TNFSF4: variants seen among roughly 807,000 people sequenced by gnomAD.
TNFSF4 encodes the protein TNF superfamily member 4.
Under a neutral mutation model 7.3 loss-of-function variants are expected in TNFSF4, and 4 were observed. That is an observed-to-expected ratio of 0.55 (90% CI 0.27 to 1.25). The LOEUF is 1.25. Ranked by LOEUF, TNFSF4 falls within the 50% of genes most tolerant of loss-of-function variation. The pLI is 0.12. For synonymous variants in TNFSF4, 76 were observed against 83.7 expected, an observed-to-expected ratio of 0.91 and a Z score of 0.50; for missense variants, 181 against 208.8, an observed-to-expected ratio of 0.87 and a Z score of 0.82.
At chr1:173,193,739 C>A (rs1649579515) in intron 1 of TNFSF4, among the ~76,000 whole-genome samples, 1 of 140,654 alleles carries the variant, frequency 7.1e-6, no homozygotes, top group South Asian at 2.3e-4. Flanking sequence ...AGGCTTCCCT[C>A]TTGGGTTTCA....
At chr1:173,246,464 T>C in the TNFSF4 span, among the ~76,000 whole-genome samples, 2 of 152,144 alleles carry the variant, frequency 1.3e-5, no homozygotes, top group Non-Finnish European at 2.9e-5. Flanking sequence ...CACATATATT[T>C]ATTGCAGCTA....
chr1:173,408,530 G>T, the TNFSF4 span, among the ~76,000 whole-genome samples: 1 of 152,136 alleles, frequency 6.6e-6, no homozygotes, highest in East Asian at 1.9e-4. Flanking sequence ...TAATAGTATG[G>T]TTTCAGACAA....
chr1:173,442,287 G>A, the TNFSF4 span, among the ~76,000 whole-genome samples: 31 of 152,194 alleles, frequency 2.0e-4, no homozygotes, highest in African/African-American at 7.2e-4. Flanking sequence ...GGACCGCCAG[G>A]ATCAGACCTT....
chr1:173,223,450 C>T, the TNFSF4 span, among the ~76,000 whole-genome samples: 1 of 151,658 alleles, frequency 6.6e-6, no homozygotes, highest in African/African-American at 2.4e-5. Context: ...GTCCACCCGC[C>T]CCCCCAAAAA....
chr1:173,235,951 A>G, the TNFSF4 span, among the ~76,000 whole-genome samples: 1 of 152,058 alleles, frequency 6.6e-6, no homozygotes, highest in Non-Finnish European at 1.5e-5. Context: ...TTCCCTTCAA[A>G]TTATTTTTTA....
At position 173,184,329 on chromosome 1, in the gene TNFSF4, A is replaced by G. The variant is rs16845543; in HGVS notation, c.*2187T>C. The G allele has an allele frequency of 0.11, 16,122 of 152,280 alleles. 1,013 individuals are homozygous for G. The highest frequency in any genetic ancestry group is 0.16 in the Admixed American group (2,486 of 15,302). The allele number at this position is 152,280 out of a possible 1,614,324, so 9.4% of individuals were successfully genotyped here. A position where few individuals can be genotyped will look rare whatever the true frequency, so the allele number is the denominator to read the frequency against. ...GAAGGGTTAATTCTCCCTGTGAAGG[A>G]CATGACTTACAGGGACTGAGACACA... On this transcript the variant is annotated 3_prime_UTR_variant, in exon 3 of 3. Transcript: ENST00000281834.
At chr1:173,443,653 C>T in the TNFSF4 span, among the ~76,000 whole-genome samples, 3 of 152,308 alleles carry the variant, frequency 2.0e-5, no homozygotes, top group South Asian at 2.1e-4. Flanking sequence ...CTCTCTCCCC[C>T]GTAAAGTCAC....
chr1:173,191,947 C>A (rs1649501589), intron 1 of TNFSF4, among the ~76,000 whole-genome samples: 1 of 152,138 alleles, frequency 6.6e-6, no homozygotes, highest in Non-Finnish European at 1.5e-5. Context: ...GAGGCCGAGG[C>A]AGGCAGATCA....
In TNFSF4 at chr1:173,184,084, C is replaced by A. The variant is rs1649122436; in HGVS notation, c.*2432G>T. Reference sequence around the variant, plus strand: ...TGACTCATAGCAACAAGAACATAGACATTTAATATGTGCATTCACAGATAA... The same window carrying A: ...TGACTCATAGCAACAAGAACATAGAAATTTAATATGTGCATTCACAGATAA... On this transcript the variant is annotated 3_prime_UTR_variant, in exon 3 of 3. Coordinates refer to ENST00000281834, the MANE Select transcript of TNFSF4 (RefSeq NM_003326.5). 6.6e-6 allele frequency: 1 copy of A among 152,186 alleles called. No homozygotes were observed. The allele number at this position is 152,186 out of a possible 1,614,324, so 9.4% of individuals were successfully genotyped here. A position where few individuals can be genotyped will look rare whatever the true frequency, so the allele number is the denominator to read the frequency against.
chr1:173,304,588 T>C, the TNFSF4 span, among the ~76,000 whole-genome samples: 1 of 151,980 alleles, frequency 6.6e-6, no homozygotes, highest in Non-Finnish European at 1.5e-5. Context: ...TCTGACCCTT[T>C]CTTCTAAAAT....
chr1:173,233,822 T>C, the TNFSF4 span, among the ~76,000 whole-genome samples: 4 of 152,172 alleles, frequency 2.6e-5, no homozygotes, highest in African/African-American at 9.7e-5. Flanking sequence ...ACTTACATGT[T>C]AGACCTAAAA....
chr1:173,419,843 G>C, the TNFSF4 span, among the ~76,000 whole-genome samples: 1 of 152,066 alleles, frequency 6.6e-6, no homozygotes, highest in Non-Finnish European at 1.5e-5. Context: ...AGCTCCTAGA[G>C]CTGACTCTAC....
downstream of TNFSF4, among the ~76,000 whole-genome samples, chr1:173,183,216 A>G (rs1388695677): frequency 7.2e-6 from 1 of 139,764 alleles, no homozygotes; most frequent in East Asian, 1.9e-4. Flanking sequence ...GGTGATGAAG[A>G]CTAAGAAAGG....
At chr1:173,304,730 C>T in the TNFSF4 span, among the ~76,000 whole-genome samples, 1 of 151,942 alleles carries the variant, frequency 6.6e-6, no homozygotes, top group Non-Finnish European at 1.5e-5. Flanking sequence ...GCTTAAGTGC[C>T]CTCATGGCAT....
chr1:173,180,668 G>A (rs934864001), downstream of TNFSF4, among the ~76,000 whole-genome samples: 7 of 152,130 alleles, frequency 4.6e-5, no homozygotes, highest in African/African-American at 1.7e-4. Flanking sequence ...AAGTGTGTTT[G>A]CGTCAGTGTT....
At chr1:173,269,005 A>G in the TNFSF4 span, among the ~76,000 whole-genome samples, 1 of 152,108 alleles carries the variant, frequency 6.6e-6, no homozygotes, top group African/African-American at 2.4e-5. Context: ...CATGTCCTCA[A>G]TGATGCAGTT....
the TNFSF4 span, among the ~76,000 whole-genome samples, chr1:173,435,394 G>A: frequency 1.3e-5 from 2 of 152,172 alleles, no homozygotes; most frequent in Non-Finnish European, 2.9e-5. Context: ...GGCTGTATTT[G>A]GTGTAAGGAT....
At chr1:173,416,646 A>AGAGG in the TNFSF4 span, among the ~76,000 whole-genome samples, 401 of 8,504 alleles carry the variant, frequency 0.047, 5 homozygotes, top group Middle Eastern at 0.17. Flanking sequence ...TTTGAGAGAG[A>AGAGG]GAGAGAAGAT....
the TNFSF4 span, among the ~76,000 whole-genome samples, chr1:173,266,401 G>A: frequency 6.6e-6 from 1 of 152,116 alleles, no homozygotes; most frequent in Non-Finnish European, 1.5e-5. Context: ...TGAGAGTCCT[G>A]GTTGAGCACC....
Sources: gnomAD v4.1 joint callset for allele counts (sites outside exome capture counted in the v4.1 genomes callset) on GRCh38, gnomAD v4.1.1 for gene constraint, MANE v1.5 for transcripts, NCBI Gene and HGNC (gene_info 2026-07-23, HGNC 2026-07-21) for gene names.